Variants in NF1 observed in about 807,000 individuals in gnomAD.
The protein encoded by NF1 is neurofibromin 1, also known as neurofibromin.
NF1 carries 122 observed loss-of-function variants against 325.7 expected under a neutral mutation model. That is an observed-to-expected ratio of 0.37 (90% CI 0.32 to 0.44). NF1 has a LOEUF of 0.44. Among genes scored for constraint, NF1 ranks in the 20% least tolerant of loss-of-function variants. NF1 has a pLI of 1.00. For synonymous variants in NF1, 1,091 were observed against 1,186.0 expected (o/e 0.92, Z 1.65); for missense variants, 2,140 against 3,415.4 (o/e 0.63, Z 9.31).
chr17:31,133,683 G>T (rs1032682001), intron 1 of NF1: 1 of 151,932 alleles, frequency 6.6e-6, no homozygotes, highest in Non-Finnish European at 1.5e-5. Context: ...TTGAGACAGA[G>T]TCTCACTCTG....
chr17:31,283,065 G>A (rs192333478), intron 36 of NF1, among the ~76,000 whole-genome samples: 1 of 152,134 alleles, frequency 6.6e-6, no homozygotes, highest in African/African-American at 2.4e-5. Context: ...CCGGGTCTTA[G>A]ATGTCTTTAT....
In NF1 at chr17:31,221,942, T is replaced by G. The variant is rs777025327; in HGVS notation, c.1721+13T>G. On this transcript the variant is annotated intron_variant, in intron 15 of 57. Transcript: ENST00000358273. ...TTTGGGAGATTAGGTATATGTACTT[T>G]TATTTTTTAAATTCAACTTTTAAAT... 5.7e-6 allele frequency: 9 copies of G among 1,583,744 alleles called. No homozygotes were observed. The highest frequency in any genetic ancestry group is 7.7e-6 in the Non-Finnish European group (9 of 1,170,094).
intron 57 of NF1, among the ~76,000 whole-genome samples, chr17:31,362,613 G>A (rs562324927): frequency 6.6e-6 from 1 of 152,194 alleles, no homozygotes; most frequent in East Asian, 1.9e-4. Flanking sequence ...AAGCCCACCA[G>A]TTCTTTTTTT....
chr17:31,231,048 T>A, intron 24 of NF1, 123 bp downstream of exon 24: 1 of 752,698 alleles, frequency 1.3e-6, no homozygotes, highest in East Asian at 2.7e-5. Context: ...ACTTTTGTGT[T>A]TGAAATATGT....
rs1333226474 is a variant in NF1, at chr17:31,338,790, G to T, written c.6906G>T (p.Gln2302His). 2 of 1,608,782 alleles carry T rather than the reference G, an allele frequency of 1.2e-6. No homozygotes were observed. Among genetic ancestry groups the T allele is most frequent in the East Asian group, 4.5e-5 (2 of 44,724 alleles). ...CAGTAATAGCACTAACCAAATTACA[G>T]CCACTTCTTAATAAGGTAATTACTG... The part of the protein sequence containing the change: ...EATVIALTKL[Q>H]PLLNKDSPLH... Residue 2302 changes from glutamine (Q) to histidine (H), a missense_variant, in exon 46 of 58, where the codon CAG (glutamine) becomes CAT (histidine). Physicochemically the swap from Gln to His is conservative, Grantham distance 24. This residue lies in a region of NF1 where 522 missense variants were observed against 749.0 expected (regional missense o/e 0.70). Transcript: ENST00000358273.
chr17:31,324,314 G>A (rs1001047443), intron 36 of NF1, among the ~76,000 whole-genome samples: 5 of 152,116 alleles, frequency 3.3e-5, no homozygotes, highest in East Asian at 1.9e-4. Flanking sequence ...TGATCTGCCC[G>A]TCTTGGCCTC....
At chr17:31,319,869 T>A (rs761156607) in intron 36 of NF1, among the ~76,000 whole-genome samples, 1 of 151,918 alleles carries the variant, frequency 6.6e-6, no homozygotes, top group Non-Finnish European at 1.5e-5. Context: ...GATTTTGACA[T>A]AATTGTAAAA....
At chr17:31,236,136 T>A (rs771010024) in intron 29 of NF1, 115 bp downstream of exon 29, 19 of 746,200 alleles carry the variant, frequency 2.5e-5, no homozygotes, top group Non-Finnish European at 4.3e-5. Flanking sequence ...TAAAATTAGT[T>A]TTTAATTATA....
At chr17:31,312,187 A>C (rs2068892588) in intron 36 of NF1, among the ~76,000 whole-genome samples, 1 of 152,000 alleles carries the variant, frequency 6.6e-6, no homozygotes, top group African/African-American at 2.4e-5. Context: ...CACTACTAGT[A>C]AACTTTAGAT....
chr17:31,155,917 G>A (rs2143623672), intron 1 of NF1, 66 bp from the exon 2 acceptor site: 1 of 1,553,826 alleles, frequency 6.4e-7, no homozygotes, highest in Non-Finnish European at 8.7e-7. Context: ...TCAATGGCAA[G>A]TAAGTTATTT....
At chr17:31,304,929 G>A (rs2068669150) in intron 36 of NF1, 2 of 1,614,078 alleles carry the variant, frequency 1.2e-6, no homozygotes, top group Non-Finnish European at 1.7e-6. Context: ...GTTTCCTTAA[G>A]CATTTCCAAA....
At chr17:31,123,314 A>G (rs1028927514) in intron 1 of NF1, among the ~76,000 whole-genome samples, 3 of 152,232 alleles carry the variant, frequency 2.0e-5, no homozygotes, top group Admixed American at 1.3e-4. Context: ...GTTAACAACC[A>G]TATTTATATA....
Position 31,303,631 on chromosome 17 carries a change from C to A in NF1, c.4836-22189C>A, listed in dbSNP as rs185050199. ...TGCCAGTTTTAAAATTTGTGCCCCC[C>A]CAACATGGTAGGAAAATATTTACAT... On this transcript the variant is annotated intron_variant, in intron 36 of 57. Transcript: ENST00000358273. 537 of 152,212 alleles carry A rather than the reference C, an allele frequency of 3.5e-3. 1 individual carries two copies. The highest frequency in any genetic ancestry group is 5.2e-3 in the Non-Finnish European group (354 of 67,998). 9.4% of individuals were successfully genotyped at this position (152,212 alleles called of 1,614,324 possible).
chr17:31,367,334 C>T, intron 57 of NF1: 1 of 1,140,376 alleles, frequency 8.8e-7, no homozygotes, highest in Non-Finnish European at 1.2e-6. Context: ...CACACTCATC[C>T]TGGGCACATA....
chr17:31,336,308 C>T lies in NF1; in HGVS notation c.6007-25C>T, dbSNP rs1197004383. Reference sequence around the variant, plus strand: ...ATTAAATTGGTAGAGTGATTAAAAACATGTTATTTTCCTTCTTCAACTAGA... The same window carrying T: ...ATTAAATTGGTAGAGTGATTAAAAATATGTTATTTTCCTTCTTCAACTAGA... On this transcript the variant is annotated intron_variant, in intron 40 of 57. Transcript: ENST00000358273. This position sits in a 1 kb window ranked among gnomAD's most constrained non-coding sequence, Gnocchi z 5.5. 6.2e-7 allele frequency: 1 copy of T among 1,611,198 alleles called. No homozygotes were observed. The highest frequency in any genetic ancestry group is 1.1e-5 in the South Asian group (1 of 90,980).
At chr17:31,130,925 G>A (rs988431035) in intron 1 of NF1, among the ~76,000 whole-genome samples, 2 of 152,186 alleles carry the variant, frequency 1.3e-5, no homozygotes, top group Non-Finnish European at 2.9e-5. Context: ...GGATCACTGT[G>A]GTTGGAGCAC....
At chr17:31,365,448 T>A (rs1356851901) in intron 57 of NF1, among the ~76,000 whole-genome samples, 1 of 152,192 alleles carries the variant, frequency 6.6e-6, no homozygotes, top group Non-Finnish European at 1.5e-5. Flanking sequence ...TAGGTGTATG[T>A]TAAGTATGTA....
rs2070706526 is a variant in NF1 at position 31,374,651 on chromosome 17, A to C, written c.*496A>C. ...AGTATGTTTAATCTTTTAGCTGTGG[A>C]CTTTTTTTTTAACCGTACAAAACTG... On this transcript the variant is annotated 3_prime_UTR_variant, in exon 58 of 58. Coordinates refer to ENST00000358273, the MANE Select transcript of NF1 (RefSeq NM_001042492.3). 1.2e-5 allele frequency: 3 copies of C among 252,006 alleles called. No homozygotes were observed. Among genetic ancestry groups the C allele is most frequent in the African/African-American group, 6.6e-5 (3 of 45,356 alleles). The allele number at this position is 252,006 out of a possible 1,614,324, so 15.6% of individuals were successfully genotyped here. A position where few individuals can be genotyped will look rare whatever the true frequency, so the allele number is the denominator to read the frequency against.
intron 5 of NF1, among the ~76,000 whole-genome samples, chr17:31,171,889 A>C: frequency 6.6e-6 from 1 of 152,224 alleles, no homozygotes. Flanking sequence ...TAAGGAGCTC[A>C]TGGCATGGTT....
Sources: gnomAD v4.1 joint callset for allele counts (sites outside exome capture counted in the v4.1 genomes callset) on GRCh38, gnomAD v4.1.1 for gene constraint, gnomAD v4.1.1 regional missense constraint, Gnocchi (gnomAD v3.1) non-coding constraint, MANE v1.5 for transcripts, NCBI Gene and HGNC (gene_info 2026-07-23, HGNC 2026-07-21) for gene names.